Variants in ESRRG observed in about 807,000 individuals in gnomAD.
The protein encoded by ESRRG is estrogen related receptor gamma.
ESRRG carries 13 observed loss-of-function variants against 44.0 expected under a neutral mutation model. The observed-to-expected ratio is 0.30, with a 90% confidence interval of 0.19 to 0.47. The LOEUF is 0.47. ESRRG is among the 20% of genes least tolerant of loss of function. ESRRG has a pLI of 1.00. For synonymous variants in ESRRG, 215 were observed against 214.6 expected (o/e 1.00, Z -0.02); for missense variants, 395 against 580.6 (o/e 0.68, Z 3.29).
intron 2 of ESRRG, among the ~76,000 whole-genome samples, chr1:216,902,518 G>A (rs1333909674): frequency 6.6e-6 from 1 of 151,732 alleles, no homozygotes; most frequent in African/African-American, 2.4e-5. Flanking sequence ...AAAATAATGA[G>A]AATTATTTCT....
intron 2 of ESRRG, among the ~76,000 whole-genome samples, chr1:216,779,737 T>C (rs2093853221): frequency 6.7e-6 from 1 of 149,252 alleles, no homozygotes; most frequent in African/African-American, 2.5e-5. Context: ...TAATTAGAAG[T>C]ATCTTTGGGA....
intron 1 of ESRRG, among the ~76,000 whole-genome samples, chr1:217,021,951 C>T (rs1285767414): frequency 6.6e-6 from 1 of 152,162 alleles, no homozygotes; most frequent in Non-Finnish European, 1.5e-5. Flanking sequence ...CATCTTTTCT[C>T]TTTTCCCCAT....
At chr1:216,511,060 G>A (rs1421057348) in intron 6 of ESRRG, among the ~76,000 whole-genome samples, 1 of 152,030 alleles carries the variant, frequency 6.6e-6, no homozygotes, top group Non-Finnish European at 1.5e-5. Context: ...ATTCAGAGTC[G>A]AGCCTAGTAT....
chr1:216,604,534 C>A (rs974560944), intron 3 of ESRRG, among the ~76,000 whole-genome samples: 1 of 152,112 alleles, frequency 6.6e-6, no homozygotes, highest in African/African-American at 2.4e-5. Context: ...AATCCCAGCC[C>A]CCCATATCAC....
At chr1:217,022,607 G>T (rs2080512074) in intron 1 of ESRRG, among the ~76,000 whole-genome samples, 1 of 152,120 alleles carries the variant, frequency 6.6e-6, no homozygotes, top group Non-Finnish European at 1.5e-5. Flanking sequence ...AACAGCCGTT[G>T]CCCAGGCTGG....
intron 5 of ESRRG, among the ~76,000 whole-genome samples, chr1:216,548,031 G>T (rs1023314329): frequency 6.6e-6 from 1 of 151,996 alleles, no homozygotes; most frequent in Non-Finnish European, 1.5e-5. Flanking sequence ...GGGTTGGCTA[G>T]CAAAACAATC....
In ESRRG at chr1:216,504,926, T is replaced by C. The variant is rs2040945921; in HGVS notation, c.*2013A>G. Reference sequence around the variant, plus strand: ...AATAGAATATACTACTGTAGTCTCCTGAGGAATTGTACATCCAATATTGTC... The same window carrying C: ...AATAGAATATACTACTGTAGTCTCCCGAGGAATTGTACATCCAATATTGTC... On this transcript the variant is annotated 3_prime_UTR_variant, in exon 7 of 7. Transcript: ENST00000408911. The C allele has an allele frequency of 6.6e-6, 1 of 152,610 alleles. No homozygotes were observed. The highest frequency in any genetic ancestry group is 6.5e-5 in the Admixed American group (1 of 15,280). The allele number at this position is 152,610 out of a possible 1,614,324, so 9.5% of individuals were successfully genotyped here.
chr1:216,809,718 G>T (rs138065471), intron 2 of ESRRG, among the ~76,000 whole-genome samples: 1 of 151,990 alleles, frequency 6.6e-6, no homozygotes, highest in Non-Finnish European at 1.5e-5. Flanking sequence ...CTAACAGGTG[G>T]GCCCCTCAAG....
intron 5 of ESRRG, among the ~76,000 whole-genome samples, chr1:216,563,114 G>C (rs1242744606): frequency 6.6e-6 from 1 of 152,028 alleles, no homozygotes; most frequent in Non-Finnish European, 1.5e-5. Context: ...CTTAATTTGG[G>C]GGGCTTTATT....
At chr1:216,685,790 A>G (rs77106845) in intron 1 of ESRRG, among the ~76,000 whole-genome samples, 1 of 152,208 alleles carries the variant, frequency 6.6e-6, no homozygotes. Context: ...CACAGTATTG[A>G]TGTCATTCTT....
intron 2 of ESRRG, among the ~76,000 whole-genome samples, chr1:216,746,457 A>G (rs753473630): frequency 6.6e-6 from 1 of 152,210 alleles, no homozygotes. Context: ...CCCAAATAGT[A>G]TGACATCCAC....
intron 5 of ESRRG, among the ~76,000 whole-genome samples, chr1:216,541,613 A>C (rs1392723434): frequency 8.1e-6 from 1 of 123,654 alleles, no homozygotes; most frequent in Non-Finnish European, 1.8e-5. Flanking sequence ...TGTGTATGTG[A>C]TCAGCTATTC....
intron 1 of ESRRG, among the ~76,000 whole-genome samples, chr1:217,066,711 A>T (rs1269741744): frequency 6.6e-6 from 1 of 152,080 alleles, no homozygotes; most frequent in Non-Finnish European, 1.5e-5. Context: ...GTGTGGGGGG[A>T]TGCCCTGTGG....
In ESRRG at chr1:216,942,051, A is replaced by G. The variant is rs549395359; in HGVS notation, c.-105-2378T>C. 2.4e-4 allele frequency among the ~76,000 whole-genome samples: 36 copies of G among 152,114 alleles called. 2 individuals are homozygous for G. The South Asian group carries it at 7.5e-3, about 32-fold the overall frequency. On this transcript the variant is annotated intron_variant, in intron 1 of 7. Coordinates refer to the ESRRG transcript ENST00000359162. The stretch of plus-strand genomic sequence containing the variant: ...ATAGTACCGGACAGAAAGTTTTTCA[A>G]CCCTTGATCCCCTCCCTCCCTCCCC...
intron 1 of ESRRG, among the ~76,000 whole-genome samples, chr1:217,024,502 A>T (rs1193924020): frequency 1.3e-5 from 2 of 152,018 alleles, no homozygotes; most frequent in Non-Finnish European, 2.9e-5. Flanking sequence ...ACCCACCCAC[A>T]CCCACTCCAA....
chr1:216,883,386 GAAAAAAAAAAAAAA>G (rs11318094), intron 2 of ESRRG, among the ~76,000 whole-genome samples: 9 of 75,876 alleles, frequency 1.2e-4, no homozygotes, highest in South Asian at 9.4e-4. Context: ...ACTTCTCTGA[GAAAAAAAAAAAAAA>G]AAAAAAAAAA....
At chr1:216,514,987 A>C (rs1055867039) in intron 6 of ESRRG, among the ~76,000 whole-genome samples, 1 of 123,444 alleles carries the variant, frequency 8.1e-6, no homozygotes, top group Non-Finnish European at 1.8e-5. Flanking sequence ...CACACACACA[A>C]CACACACTTA....
chr1:217,081,799 T>C (rs2091788533), intron 1 of ESRRG, among the ~76,000 whole-genome samples: 1 of 152,200 alleles, frequency 6.6e-6, no homozygotes, highest in Non-Finnish European at 1.5e-5. Flanking sequence ...AAAATAGAAT[T>C]TATAATACTA....
In ESRRG at chr1:216,837,365, C is replaced by T. The variant is rs539553838; in HGVS notation, c.-14+102217G>A. ...GGTGGAGCTTGCCATAAGCCAAGATCGTGCCACCGCACTCCAGCCTGGGCA... is the reference window on the plus strand; with the variant it reads ...GGTGGAGCTTGCCATAAGCCAAGATTGTGCCACCGCACTCCAGCCTGGGCA... On this transcript the variant is annotated intron_variant, in intron 2 of 7. Coordinates refer to the ESRRG transcript ENST00000359162. 1.1e-4 allele frequency among the ~76,000 whole-genome samples: 16 copies of T among 151,080 alleles called. No individual in the cohort carries two copies. The East Asian group carries it at 1.6e-3, about 15-fold the overall frequency.
Sources: gnomAD v4.1 joint callset for allele counts (sites outside exome capture counted in the v4.1 genomes callset) on GRCh38, gnomAD v4.1.1 for gene constraint, MANE v1.5 for transcripts, NCBI Gene and HGNC (gene_info 2026-07-23, HGNC 2026-07-21) for gene names.